The following ZBTB8A variants were observed in gnomAD, a reference collection of about 807,000 sequenced individuals.
The protein encoded by ZBTB8A is zinc finger and BTB domain containing 8A.
A neutral mutation model predicts 37.8 loss-of-function variants in ZBTB8A; 19 were observed. That is an observed-to-expected ratio of 0.50 (90% CI 0.35 to 0.74). The LOEUF (loss-of-function observed/expected upper bound fraction) is 0.74. Ranked by LOEUF, ZBTB8A falls within the 30% of genes least tolerant of loss-of-function variation. The pLI is 0.01. For missense variants in ZBTB8A, 394 were observed against 537.8 expected, an observed-to-expected ratio of 0.73 and a Z score of 2.65; for synonymous variants, 181 against 185.2, an observed-to-expected ratio of 0.98 and a Z score of 0.19.
chr1:32,560,469 T>C (rs1193306364), intron 2 of ZBTB8A, among the ~76,000 whole-genome samples: 2 of 152,080 alleles, frequency 1.3e-5, no homozygotes, highest in East Asian at 1.9e-4. Flanking sequence ...CTGATTTTTT[T>C]CTGCTTTTTT....
chr1:32,591,597 A>G (rs1309224984), intron 2 of ZBTB8A, among the ~76,000 whole-genome samples: 1 of 152,124 alleles, frequency 6.6e-6, no homozygotes, highest in Non-Finnish European at 1.5e-5. Context: ...TTGGTTCAGC[A>G]TATAGCAGAA....
intron 2 of ZBTB8A, among the ~76,000 whole-genome samples, chr1:32,578,461 C>T (rs1644379824): frequency 6.6e-6 from 1 of 152,028 alleles, no homozygotes; most frequent in Non-Finnish European, 1.5e-5. Context: ...GATCCGCCCG[C>T]CTTGGCCTCC....
At chr1:32,591,261 C>T (rs1644485820) in intron 2 of ZBTB8A, among the ~76,000 whole-genome samples, 3 of 151,540 alleles carry the variant, frequency 2.0e-5, no homozygotes, top group Admixed American at 6.6e-5. Flanking sequence ...GACTGGAGTA[C>T]AGTGAGTGGC....
chr1:32,553,604 G>A (rs1457248653), intron 2 of ZBTB8A, 64 bp downstream of exon 2: 1 of 152,016 alleles, frequency 6.6e-6, no homozygotes, highest in Non-Finnish European at 1.5e-5. Flanking sequence ...TAGAATTCTG[G>A]GGCCGGGCGC....
At chr1:32,568,379 T>G (rs1026065811) in intron 2 of ZBTB8A, among the ~76,000 whole-genome samples, 1 of 151,936 alleles carries the variant, frequency 6.6e-6, no homozygotes, top group African/African-American at 2.4e-5. Context: ...GATTATAGAT[T>G]AGTTCTGCCT....
chr1:32,601,476 A>C lies in ZBTB8A; in HGVS notation c.*1057A>C. The C allele has an allele frequency of 2.6e-6, 1 of 386,786 alleles. No homozygotes were observed. The highest frequency in any genetic ancestry group is 4.6e-6 in the Non-Finnish European group (1 of 219,292). 24.0% of individuals were successfully genotyped at this position (386,786 alleles called of 1,614,324 possible). On this transcript the variant is annotated 3_prime_UTR_variant, in exon 5 of 5. Coordinates refer to ENST00000373510, the MANE Select transcript of ZBTB8A (RefSeq NM_001040441.3). ...GCAACAAGAGCGAAACTCCGTCTCA[A>C]AAAAAAAAGGAAAACAAACTAGGAG... is the stretch of plus-strand genomic sequence containing the variant.
At chr1:32,552,402 G>A (rs1283743744) in intron 1 of ZBTB8A, among the ~76,000 whole-genome samples, 1 of 152,160 alleles carries the variant, frequency 6.6e-6, no homozygotes, top group Non-Finnish European at 1.5e-5. Flanking sequence ...GCTCACGCCT[G>A]TAATCTCAGC....
chr1:32,594,892 C>T lies in ZBTB8A; in HGVS notation c.824-162C>T, dbSNP rs939904179. Among the ~76,000 whole-genome samples the T allele has an allele frequency of 2.0e-5, 3 of 152,060 alleles. No homozygotes were observed. In the South Asian group the frequency reaches 6.2e-4, roughly 31 times the overall value. ...AGTCTTAATAAAATTTCTTTCGTCT[C>T]TTACTTTTTGGGCTAACCAACTCCT... On this transcript the variant is annotated intron_variant, in intron 3 of 4. Transcript: ENST00000373510.
chr1:32,554,887 G>A (rs977440268), intron 2 of ZBTB8A, among the ~76,000 whole-genome samples: 2 of 151,998 alleles, frequency 1.3e-5, no homozygotes, highest in Admixed American at 6.6e-5. Flanking sequence ...TCACATACTC[G>A]TATTATTAAG....
chr1:32,544,526 G>A (rs544833519), intron 1 of ZBTB8A, among the ~76,000 whole-genome samples: 24 of 152,188 alleles, frequency 1.6e-4, no homozygotes, highest in Non-Finnish European at 3.1e-4. Context: ...GCAAAACCCC[G>A]TCTCCACTAA....
chr1:32,578,460 G>A (rs765322196), intron 2 of ZBTB8A, among the ~76,000 whole-genome samples: 5 of 151,804 alleles, frequency 3.3e-5, no homozygotes, highest in Non-Finnish European at 5.9e-5. Flanking sequence ...TGATCCGCCC[G>A]CCTTGGCCTC....
rs561462580 is a variant in ZBTB8A at position 32,569,688 on chromosome 1, G to A, written c.-2+16148G>A. Among the ~76,000 whole-genome samples the A allele has an allele frequency of 7.9e-5, 12 of 151,794 alleles. No individual in the cohort carries two copies. The South Asian group carries it at 8.3e-4, about 11-fold the overall frequency. ...ATTACAGGCATGAGCCACCGCTCCC[G>A]GCCAGCTTTTCCTTTCCTTAATGGT... On this transcript the variant is annotated intron_variant, in intron 2 of 4. Coordinates refer to ENST00000373510, the MANE Select transcript of ZBTB8A (RefSeq NM_001040441.3).
intron 2 of ZBTB8A, among the ~76,000 whole-genome samples, chr1:32,567,819 A>AC (rs1557707698): frequency 2.7e-4 from 5 of 18,238 alleles, no homozygotes; most frequent in Non-Finnish European, 4.4e-4. Flanking sequence ...AAAAAAAAAA[A>AC]AAAACAAAAA....
Position 32,540,275 on chromosome 1 carries a change from C to T in ZBTB8A, c.-84+703C>T, listed in dbSNP as rs1479086986. Reference sequence around the variant, plus strand: ...CCCTTCAGATGCGCTTATGTATCCCCGATTGTTCCAATGGCCCTACTCCAC... The same window carrying T: ...CCCTTCAGATGCGCTTATGTATCCCTGATTGTTCCAATGGCCCTACTCCAC... On this transcript the variant is annotated intron_variant, in intron 1 of 4. Transcript: ENST00000373510. Among the ~76,000 whole-genome samples the T allele has an allele frequency of 9.2e-5, 14 of 152,192 alleles. No homozygotes were observed. The South Asian group carries it at 2.7e-3, about 29-fold the overall frequency.
chr1:32,548,147 A>G (rs1257613036), intron 1 of ZBTB8A, among the ~76,000 whole-genome samples: 1 of 150,988 alleles, frequency 6.6e-6, no homozygotes, highest in Non-Finnish European at 1.5e-5. Context: ...TAAAAAAAAA[A>G]AAAAAAAAAA....
At chr1:32,572,415 A>G (rs182967343) in intron 2 of ZBTB8A, among the ~76,000 whole-genome samples, 1 of 148,002 alleles carries the variant, frequency 6.8e-6, no homozygotes, top group East Asian at 2.0e-4. Context: ...TCTTTTTTTG[A>G]GACAGAGTCT....
intron 2 of ZBTB8A, among the ~76,000 whole-genome samples, chr1:32,574,954 T>A (rs377243465): frequency 3.2e-4 from 49 of 152,132 alleles, no homozygotes; most frequent in African/African-American, 1.2e-3. Context: ...ATTTTTATTT[T>A]GTAGAGATGG....
At chr1:32,596,107 C>T (rs897358860) in intron 4 of ZBTB8A, among the ~76,000 whole-genome samples, 1 of 152,186 alleles carries the variant, frequency 6.6e-6, no homozygotes, top group Admixed American at 6.5e-5. Context: ...CGGTGGCTCA[C>T]GCCTGTAATC....
intron 1 of ZBTB8A, among the ~76,000 whole-genome samples, chr1:32,550,197 G>T (rs764107479): frequency 6.6e-6 from 1 of 151,926 alleles, no homozygotes; most frequent in Non-Finnish European, 1.5e-5. Context: ...TTAAAAAAAG[G>T]ATCCTGAGTG....
Sources: gnomAD v4.1 joint callset for allele counts (sites outside exome capture counted in the v4.1 genomes callset) on GRCh38, gnomAD v4.1.1 for gene constraint, MANE v1.5 for transcripts, NCBI Gene and HGNC (gene_info 2026-07-23, HGNC 2026-07-21) for gene names.